Variants in MORC3 observed in about 807,000 individuals in gnomAD.
MORC3 encodes MORC family CW-type zinc finger protein 3.
Under a neutral mutation model 109.1 loss-of-function variants are expected in MORC3, and 31 were observed. The observed-to-expected ratio is 0.28, with a 90% CI of 0.21 to 0.38. The LOEUF (loss-of-function observed/expected upper bound fraction) is 0.38. Ranked by LOEUF, MORC3 falls within the 10% of genes least tolerant of loss-of-function variation. The pLI is 1.00. For missense variants in MORC3, 867 were observed against 1,135.8 expected (o/e 0.76, Z 3.40); for synonymous variants, 395 against 380.7 (o/e 1.04, Z -0.44).
In MORC3 at chr21:36,361,393, A is replaced by C. The variant is rs573285519; in HGVS notation, c.1407-790A>C. ...ACCCCGTCTCTACTAAAAATACAAAAATTAGCTGGGTGTGGTGGTGCATGC... is the reference window on the plus strand; with the variant it reads ...ACCCCGTCTCTACTAAAAATACAAACATTAGCTGGGTGTGGTGGTGCATGC... On this transcript the variant is annotated intron_variant, in intron 12 of 16. Coordinates refer to ENST00000400485, the MANE Select transcript of MORC3 (RefSeq NM_015358.3). 1.5e-4 allele frequency among the ~76,000 whole-genome samples: 22 copies of C among 150,848 alleles called. No individual in the cohort carries two copies. The East Asian group carries it at 4.1e-3, about 28-fold the overall frequency.
chr21:36,337,072 C>A, intron 3 of MORC3, 66 bp downstream of exon 3: 1 of 1,543,496 alleles, frequency 6.5e-7, no homozygotes, highest in South Asian at 1.2e-5. Context: ...CCATGCCATA[C>A]TTACTATTCT....
In MORC3 at chr21:36,370,635, A is replaced by AT. The variant is rs1361206395; in HGVS notation, c.2508+760dup. ...TACATATATATATATATATATATATATATATTTTTTTTTTTTTTTTTTTTT... is the reference window on the plus strand; with the variant it reads ...TACATATATATATATATATATATATATTATATTTTTTTTTTTTTTTTTTTTT... On this transcript the variant is annotated intron_variant, in intron 15 of 16. Transcript: ENST00000400485. 4.1e-3 allele frequency among the ~76,000 whole-genome samples: 174 copies of AT among 41,958 alleles called. 1 individual carries two copies. The highest frequency in any genetic ancestry group is 7.0e-3 in the Non-Finnish European group (157 of 22,388). 27.5% of individuals were successfully genotyped at this position (41,958 alleles called of 152,430 possible).
intron 8 of MORC3, 48 bp from the exon 9 acceptor site, chr21:36,349,263 A>G (rs778126398): frequency 5.7e-6 from 7 of 1,219,660 alleles, no homozygotes; most frequent in Non-Finnish European, 8.4e-6. Flanking sequence ...AATTATTTTG[A>G]GCATCATGTC....
chr21:36,373,776 A>G (rs990804218), intron 16 of MORC3, among the ~76,000 whole-genome samples: 5 of 152,176 alleles, frequency 3.3e-5, no homozygotes, highest in African/African-American at 1.2e-4. Context: ...ATAGATTTCC[A>G]CTCGAGAAAA....
chr21:36,358,758 C>T (rs2085677305), intron 10 of MORC3, among the ~76,000 whole-genome samples: 2 of 152,028 alleles, frequency 1.3e-5, no homozygotes, highest in African/African-American at 4.8e-5. Context: ...CGGCTCACTG[C>T]AAGCTCTGCC....
chr21:36,362,409 G>A (rs2085729192), intron 13 of MORC3, among the ~76,000 whole-genome samples, 181 bp downstream of exon 13: 2 of 151,718 alleles, frequency 1.3e-5, no homozygotes, highest in South Asian at 2.1e-4. Context: ...TGGATGTGGT[G>A]GCACATACCT....
At chr21:36,350,061 A>G (rs1163886579) in intron 9 of MORC3, among the ~76,000 whole-genome samples, 2 of 152,172 alleles carry the variant, frequency 1.3e-5, no homozygotes, top group Non-Finnish European at 2.9e-5. Context: ...TCTTAGCACT[A>G]AGGGGGCCCA....
At chr21:36,349,583 A>G (rs886524784) in intron 9 of MORC3, among the ~76,000 whole-genome samples, 175 bp downstream of exon 9, 2 of 152,236 alleles carry the variant, frequency 1.3e-5, no homozygotes, top group African/African-American at 4.8e-5. Flanking sequence ...TGGTTATATT[A>G]GTTTTCTATG....
At chr21:36,361,550 A>G (rs2085716586) in intron 12 of MORC3, 1 of 151,734 alleles carries the variant, frequency 6.6e-6, no homozygotes, top group African/African-American at 2.5e-5. Flanking sequence ...CAAAAAAAAA[A>G]AAAAAAAAAA....
chr21:36,366,909 A>G (rs1485596496), intron 14 of MORC3, among the ~76,000 whole-genome samples: 1 of 152,228 alleles, frequency 6.6e-6, no homozygotes, highest in Non-Finnish European at 1.5e-5. Context: ...AGCAAGAAGT[A>G]CTTGATACAG....
rs538967727 is a variant in MORC3 at position 36,320,213 on chromosome 21, C to T, written c.-52C>T. On this transcript the variant is annotated 5_prime_UTR_variant, in exon 1 of 17. Transcript: ENST00000400485. ...TAGGGCTCCACAGTCGTTCCGCCACCTCCCAGTCGGGTTGCGGCGGAGGCC... is the reference window on the plus strand; with the variant it reads ...TAGGGCTCCACAGTCGTTCCGCCACTTCCCAGTCGGGTTGCGGCGGAGGCC... 5 of 1,560,110 alleles carry T rather than the reference C, an allele frequency of 3.2e-6. No individual in the cohort carries two copies. The highest frequency in any genetic ancestry group is 1.9e-5 in the Admixed American group (1 of 51,804).
chr21:36,351,192 C>A (rs558793316), intron 9 of MORC3, among the ~76,000 whole-genome samples: 2 of 151,384 alleles, frequency 1.3e-5, no homozygotes, highest in South Asian at 4.2e-4. Flanking sequence ...CTCAGCCTCC[C>A]GAGTAGCTGG....
intron 8 of MORC3, among the ~76,000 whole-genome samples, chr21:36,349,022 C>T (rs2085542967): frequency 6.6e-6 from 1 of 151,838 alleles, no homozygotes; most frequent in Admixed American, 6.6e-5. Flanking sequence ...TTTGGTGGTG[C>T]GCGCCTGTAC....
At chr21:36,320,977 TCACGTC>T (rs2085187700) in intron 1 of MORC3, among the ~76,000 whole-genome samples, 1 of 152,226 alleles carries the variant, frequency 6.6e-6, no homozygotes. Context: ...ACTTGAAATC[TCACGTC>T]CAGGAAATGT....
intron 1 of MORC3, among the ~76,000 whole-genome samples, chr21:36,321,226 A>C (rs1183024480): frequency 1.3e-5 from 2 of 152,156 alleles, no homozygotes; most frequent in Non-Finnish European, 2.9e-5. Flanking sequence ...GCAGATTCTA[A>C]CACCTGGTTT....
At chr21:36,371,723 A>G (rs1488749767) in intron 15 of MORC3, among the ~76,000 whole-genome samples, 1 of 152,194 alleles carries the variant, frequency 6.6e-6, no homozygotes, top group Non-Finnish European at 1.5e-5. Context: ...TAACTTAATT[A>G]TAAGCTGATG....
chr21:36,326,104 G>A (rs2085245032), intron 1 of MORC3, among the ~76,000 whole-genome samples: 3 of 152,102 alleles, frequency 2.0e-5, no homozygotes, highest in Admixed American at 2.0e-4. Flanking sequence ...CTACTTGGGA[G>A]GCTGAGGCGG....
Position 36,360,092 on chromosome 21 carries a change from G to T in MORC3, c.1331+15G>T. 6.2e-7 allele frequency: 1 copy of T among 1,614,154 alleles called. No homozygotes were observed. Among genetic ancestry groups the T allele is most frequent in the Non-Finnish European group, 8.5e-7 (1 of 1,180,036 alleles). On this transcript the variant is annotated intron_variant, in intron 11 of 16. Coordinates refer to ENST00000400485, the MANE Select transcript of MORC3 (RefSeq NM_015358.3). ...CCACAGTTCAGGTACCATAGAGTTGGTAGTACCCTTTTTGGAAAGACGGAA... is the reference window on the plus strand; with the variant it reads ...CCACAGTTCAGGTACCATAGAGTTGTTAGTACCCTTTTTGGAAAGACGGAA...
At chr21:36,347,358 TTTC>T (rs1043923135) in intron 8 of MORC3, among the ~76,000 whole-genome samples, 21 of 152,212 alleles carry the variant, frequency 1.4e-4, no homozygotes, top group Non-Finnish European at 1.9e-4. Flanking sequence ...TGTAAATTTT[TTTC>T]TTTTTATCAC....
Sources: gnomAD v4.1 joint callset for allele counts (sites outside exome capture counted in the v4.1 genomes callset) on GRCh38, gnomAD v4.1.1 for gene constraint, MANE v1.5 for transcripts, NCBI Gene and HGNC (gene_info 2026-07-23, HGNC 2026-07-21) for gene names.